The following MYO18B variants were observed in gnomAD, a reference collection of about 807,000 sequenced individuals.
MYO18B encodes the protein unconventional myosin-XVIIIb.
In MYO18B, 204 loss-of-function variants were observed where a neutral mutation model predicts 273.0. That is an observed-to-expected ratio of 0.75 (90% CI 0.67 to 0.84). The LOEUF (loss-of-function observed/expected upper bound fraction) is 0.84, where lower values mean the gene tolerates loss of function less well. MYO18B is among the 40% of genes least tolerant of loss of function. The pLI is 0.00. For missense variants in MYO18B, 3,212 were observed against 3,287.6 expected (o/e 0.98, Z 0.56); for synonymous variants, 1,330 against 1,305.7 (o/e 1.02, Z -0.40).
intron 27 of MYO18B, among the ~76,000 whole-genome samples, chr22:25,891,721 A>G (rs1336822804): frequency 6.6e-6 from 1 of 152,192 alleles, no homozygotes. Context: ...GTTTATGTGA[A>G]TATTTTAAAA....
intron 29 of MYO18B, chr22:25,899,404 A>T (rs1237370163): frequency 2.0e-5 from 3 of 152,216 alleles, no homozygotes; most frequent in African/African-American, 4.8e-5. Flanking sequence ...AAGGCCCATG[A>T]TAAAATACAG....
chr22:25,990,429 T>G (rs1209465960), intron 39 of MYO18B, among the ~76,000 whole-genome samples: 2 of 152,128 alleles, frequency 1.3e-5, no homozygotes, highest in African/African-American at 4.8e-5. Flanking sequence ...CTCACGCCTG[T>G]AATTCCAGCA....
intron 42 of MYO18B, among the ~76,000 whole-genome samples, chr22:26,012,435 T>C (rs2146951384): frequency 6.6e-6 from 1 of 152,382 alleles, no homozygotes; most frequent in Admixed American, 6.5e-5. Flanking sequence ...TATGGTTTTA[T>C]GTCTTCCTAG....
chr22:25,860,553 T>C (rs2090701046), intron 21 of MYO18B, among the ~76,000 whole-genome samples: 1 of 152,214 alleles, frequency 6.6e-6, no homozygotes, highest in South Asian at 2.1e-4. Context: ...GTTCAAGATA[T>C]TTTCTAATTC....
intron 21 of MYO18B, among the ~76,000 whole-genome samples, chr22:25,855,559 T>C (rs913564148): frequency 1.3e-5 from 2 of 152,168 alleles, no homozygotes; most frequent in African/African-American, 2.4e-5. Context: ...GCATTACAGG[T>C]GTGAGCCACT....
At chr22:26,008,840 A>C (rs1934654357) in intron 42 of MYO18B, among the ~76,000 whole-genome samples, 1 of 152,118 alleles carries the variant, frequency 6.6e-6, no homozygotes, top group African/African-American at 2.4e-5. Flanking sequence ...TGTGGATGAG[A>C]GTGCGAGGGC....
the MYO18B span, among the ~76,000 whole-genome samples, chr22:26,061,562 G>A: frequency 2.6e-5 from 4 of 151,724 alleles, no homozygotes; most frequent in Non-Finnish European, 5.9e-5. Flanking sequence ...TCTCTCTGCT[G>A]CTCACAGTGA....
intron 1 of MYO18B, among the ~76,000 whole-genome samples, chr22:25,758,336 A>G (rs565093328): frequency 2.0e-5 from 3 of 148,808 alleles, no homozygotes; most frequent in African/African-American, 7.5e-5. Context: ...TTTTTTTTGA[A>G]TTAAACATAA....
rs549687310 is a variant in MYO18B at position 25,823,657 on chromosome 22, G to A, written c.2674G>A (p.Glu892Lys). 7.5e-5 allele frequency: 121 copies of A among 1,613,946 alleles called. No homozygotes were observed. The highest frequency in any genetic ancestry group is 7.2e-4 in the Admixed American group (43 of 60,016). The change falls in exon 13 of 44, where the codon GAG becomes AAG. Residue 892 changes from glutamate to lysine, a missense_variant. By Grantham distance (56) the Glu-to-Lys change is moderately conservative (BLOSUM62 1). Coordinates refer to ENST00000335473, the MANE Select transcript of MYO18B (RefSeq NM_032608.7). ...MTFGPSRWGL[E>K]DEETSSGLKM... Reference sequence around the variant, plus strand: ...GTTTGGGCCAAGCCGATGGGGCCTCGAGGATGAGGAAACCAGCTCAGGTAC... The same window carrying A: ...GTTTGGGCCAAGCCGATGGGGCCTCAAGGATGAGGAAACCAGCTCAGGTAC...
chr22:25,900,091 C>G (rs1330421769), intron 29 of MYO18B, among the ~76,000 whole-genome samples: 5 of 152,154 alleles, frequency 3.3e-5, no homozygotes, highest in Non-Finnish European at 2.9e-5. Flanking sequence ...GGACAGAATC[C>G]CTCATTCCAG....
chr22:25,801,660 C>T (rs1317418392), intron 12 of MYO18B, among the ~76,000 whole-genome samples: 1 of 152,124 alleles, frequency 6.6e-6, no homozygotes, highest in African/African-American at 2.4e-5. Context: ...GATCTGGTAT[C>T]ACACAGCCAG....
intron 12 of MYO18B, among the ~76,000 whole-genome samples, chr22:25,808,126 C>A (rs5752218): frequency 0.066 from 9,980 of 152,142 alleles, 575 homozygotes; most frequent in East Asian, 0.21. Context: ...CCCAAAAGAC[C>A]TTCTTCCTAC....
At chr22:25,889,395 A>G (rs2091594837) in intron 25 of MYO18B, among the ~76,000 whole-genome samples, 1 of 152,160 alleles carries the variant, frequency 6.6e-6, no homozygotes, top group African/African-American at 2.4e-5. Context: ...AGAGTGAGGC[A>G]TTCTAACATC....
intron 1 of MYO18B, among the ~76,000 whole-genome samples, chr22:25,760,027 G>A (rs1379292609): frequency 6.6e-6 from 1 of 152,154 alleles, no homozygotes; most frequent in Non-Finnish European, 1.5e-5. Context: ...CAGATTGAGA[G>A]CTACAGTTTC....
At chr22:25,743,329 C>G (rs2085684295) in intron 1 of MYO18B, among the ~76,000 whole-genome samples, 1 of 152,194 alleles carries the variant, frequency 6.6e-6, no homozygotes, top group African/African-American at 2.4e-5. Flanking sequence ...GGTGCTGTAT[C>G]CATTGCTGAC....
intron 20 of MYO18B, 119 bp downstream of exon 20, chr22:25,847,771 TG>T: frequency 1.4e-6 from 1 of 707,560 alleles, no homozygotes; most frequent in Non-Finnish European, 2.4e-6. Flanking sequence ...CCCAGCATCC[TG>T]GTTACTCTTC....
At chr22:26,005,475 C>CAATAAATGG (rs1934346379) in intron 42 of MYO18B, among the ~76,000 whole-genome samples, 1 of 152,154 alleles carries the variant, frequency 6.6e-6, no homozygotes, top group East Asian at 1.9e-4. Context: ...CAACAACAAC[C>CAATAAATGG]GCCTCCAATA....
At chr22:25,835,148 G>A (rs1569087092) in intron 16 of MYO18B, 148 bp from the exon 17 acceptor site, 9 of 894,650 alleles carry the variant, frequency 1.0e-5, no homozygotes, top group Non-Finnish European at 4.9e-6. Context: ...AGTCTGGGGT[G>A]ATTGGGAGCA....
intron 39 of MYO18B, among the ~76,000 whole-genome samples, chr22:25,969,303 A>G (rs2093011314): frequency 6.6e-6 from 1 of 152,206 alleles, no homozygotes. Context: ...TTAAGTAGCC[A>G]AATCTTATTT....
Sources: gnomAD v4.1 joint callset for allele counts (sites outside exome capture counted in the v4.1 genomes callset) on GRCh38, gnomAD v4.1.1 for gene constraint, MANE v1.5 for transcripts, NCBI Gene and HGNC (gene_info 2026-07-23, HGNC 2026-07-21) for gene names.